SLC34A2: variants seen among roughly 807,000 people sequenced by gnomAD.
SLC34A2 encodes sodium-dependent phosphate transport protein 2B.
SLC34A2 carries 41 observed loss-of-function variants against 50.8 expected under a neutral mutation model. That is an observed-to-expected ratio of 0.81 (90% confidence interval 0.63 to 1.05). SLC34A2 has a LOEUF of 1.05. Among genes scored for constraint, SLC34A2 ranks in the 50% least tolerant of loss-of-function variants. The pLI, the probability that SLC34A2 is intolerant of heterozygous loss-of-function variation, is 0.00. For synonymous variants in SLC34A2, 401 were observed against 364.2 expected (o/e 1.10, Z -1.15); for missense variants, 879 against 876.7 (o/e 1.00, Z -0.03).
Position 25,676,873 on chromosome 4 carries a change from A to T in SLC34A2, c.*124A>T. The T allele has an allele frequency of 2.9e-6, 4 of 1,370,908 alleles. No individual in the cohort carries two copies. Among genetic ancestry groups the T allele is most frequent in the Non-Finnish European group, 3.0e-6 (3 of 987,864 alleles). 84.9% of individuals were successfully genotyped at this position (1,370,908 alleles called of 1,614,324 possible). ...TGCTCCCCATTAGCGAATGAAATTGATGCAGTCCTACCTAACTCGATTCCC... is the reference window on the plus strand; with the variant it reads ...TGCTCCCCATTAGCGAATGAAATTGTTGCAGTCCTACCTAACTCGATTCCC... On this transcript the variant is annotated 3_prime_UTR_variant, in exon 13 of 13. Coordinates refer to ENST00000382051, the MANE Select transcript of SLC34A2 (RefSeq NM_006424.3).
chr4:25,673,846 C>T (rs376165677), intron 10 of SLC34A2, among the ~76,000 whole-genome samples: 2 of 152,186 alleles, frequency 1.3e-5, no homozygotes, highest in East Asian at 3.9e-4. Context: ...CTGGGAAATG[C>T]AGGGCCTGAT....
rs914989881 is a variant in SLC34A2 at position 25,669,781 on chromosome 4, G to A, written c.770G>A (p.Gly257Glu). 1 of 1,614,178 alleles carries A rather than the reference G, an allele frequency of 6.2e-7. No individual in the cohort carries two copies. Among genetic ancestry groups the A allele is most frequent in the Non-Finnish European group, 8.5e-7 (1 of 1,180,038 alleles). ...LIVESFHFKN[G>E]EDAPDLLKVI... The stretch of plus-strand genomic sequence containing the variant: ...GTGGAGAGCTTCCACTTCAAGAATG[G>A]AGAAGATGCCCCAGATCTTCTGAAA... Residue 257 changes from glycine (G) to glutamate (E), a missense_variant, in exon 7 of 13, where the codon GGA becomes GAA. Gly to Glu is a moderately conservative substitution (Grantham distance 98). Coordinates refer to ENST00000382051, the MANE Select transcript of SLC34A2 (RefSeq NM_006424.3).
At chr4:25,666,330 G>A in intron 5 of SLC34A2, 59 bp downstream of exon 5, 3 of 1,597,030 alleles carry the variant, frequency 1.9e-6, no homozygotes, top group Non-Finnish European at 2.6e-6. Flanking sequence ...TCTATCTGAG[G>A]GTGGGAAGGA....
chr4:25,664,264 C>G lies in SLC34A2; in HGVS notation c.313C>G (p.Leu105Val). 1 of 1,606,834 alleles carries G rather than the reference C, an allele frequency of 6.2e-7. No homozygotes were observed. Among genetic ancestry groups the G allele is most frequent in the Non-Finnish European group, 8.5e-7 (1 of 1,176,162 alleles). ...AGGGATTGGGAGATTGATTTTACTT[C>G]TCGGATTTCTCTACTTTTTCGTGTG... ...FQGIGRLILL[L>V]GFLYFFVCSL... The change falls in exon 4 of 13, where the codon CTC (leucine) becomes GTC (valine). Residue 105 changes from leucine (L) to valine (V), a missense_variant. Physicochemically the swap from Leu to Val is conservative, Grantham distance 32. Transcript: ENST00000382051.
intron 9 of SLC34A2, 63 bp downstream of exon 9, chr4:25,671,784 C>T (rs1386111947): frequency 1.2e-5 from 20 of 1,610,692 alleles, no homozygotes; most frequent in East Asian, 6.7e-5. Flanking sequence ...CCTATTTATC[C>T]GTGTGAAGTC....
At chr4:25,660,392 G>T (rs530100215) in intron 1 of SLC34A2, among the ~76,000 whole-genome samples, 10 of 152,220 alleles carry the variant, frequency 6.6e-5, no homozygotes, top group Non-Finnish European at 1.0e-4. Flanking sequence ...GGTCACAGAC[G>T]TGTGATGAAC....
At chr4:25,670,661 C>T in intron 7 of SLC34A2, 77 bp from the exon 8 acceptor site, 1 of 1,113,244 alleles carries the variant, frequency 9.0e-7, no homozygotes, top group South Asian at 1.3e-5. Context: ...GAGCCCCTCT[C>T]ACTTCAACCC....
chr4:25,670,318 C>G (rs1195306296), intron 7 of SLC34A2, among the ~76,000 whole-genome samples: 1 of 152,190 alleles, frequency 6.6e-6, no homozygotes, highest in Non-Finnish European at 1.5e-5. Flanking sequence ...AGTGACTGAC[C>G]TTGATGGTTA....
In SLC34A2 at chr4:25,676,050, T is replaced by C. The variant is rs934430578; in HGVS notation, c.1459-85T>C. 11 of 1,572,934 alleles carry C rather than the reference T, an allele frequency of 7.0e-6. No homozygotes were observed. In the Admixed American group the frequency reaches 1.3e-4, roughly 19 times the overall value. On this transcript the variant is annotated intron_variant, in intron 12 of 12. Coordinates refer to ENST00000382051, the MANE Select transcript of SLC34A2 (RefSeq NM_006424.3). Reference sequence around the variant, plus strand: ...CCGAGACTGTGCTGCCTGTGATGCCTGCTAGCTTACCTCCCCCTCCTCCTC... The same window carrying C: ...CCGAGACTGTGCTGCCTGTGATGCCCGCTAGCTTACCTCCCCCTCCTCCTC...
rs1424229004 is a variant in SLC34A2 at position 25,669,815 on chromosome 4, T to C, written c.804T>C (p.Thr268=). ...CCCCAGATCTTCTGAAAGTCATCACTAAGCCCTTCACAAAGCTCATTGTCC... is the reference window on the plus strand; with the variant it reads ...CCCCAGATCTTCTGAAAGTCATCACCAAGCCCTTCACAAAGCTCATTGTCC... ...EDAPDLLKVI[T]KPFTKLIVQL... The change falls in exon 7 of 13, where the codon ACT becomes ACC. Residue 268 remains threonine, a synonymous_variant. Coordinates refer to ENST00000382051, the MANE Select transcript of SLC34A2 (RefSeq NM_006424.3). 1 of 1,614,078 alleles carries C rather than the reference T, an allele frequency of 6.2e-7. No homozygotes were observed. Among genetic ancestry groups the C allele is most frequent in the Non-Finnish European group, 8.5e-7 (1 of 1,180,048 alleles).
chr4:25,661,976 G>C (rs1007228509), intron 1 of SLC34A2, among the ~76,000 whole-genome samples: 1 of 151,694 alleles, frequency 6.6e-6, no homozygotes, highest in Non-Finnish European at 1.5e-5. Flanking sequence ...AGGTTCAAGC[G>C]ATTCTCCTGT....
Position 25,668,123 on chromosome 4 carries a change from G to T in SLC34A2, c.635+132G>T, listed in dbSNP as rs1714600990. The T allele has an allele frequency of 5.6e-6, 4 of 718,170 alleles. No homozygotes were observed. The South Asian group carries it at 6.0e-5, about 11-fold the overall frequency. The allele number at this position is 718,170 out of a possible 1,614,324, so 44.5% of individuals were successfully genotyped here. ...CCTGGAGTTCCTAGAAGTAACCACA[G>T]GGAGGTATGGCTAGGGTTGGATCAC... On this transcript the variant is annotated intron_variant, in intron 6 of 12. Transcript: ENST00000382051.
At chr4:25,656,196 G>C (rs1276797710) in intron 1 of SLC34A2, among the ~76,000 whole-genome samples, 1 of 152,176 alleles carries the variant, frequency 6.6e-6, no homozygotes, top group Non-Finnish European at 1.5e-5. Flanking sequence ...AAAGGCCCAG[G>C]GGATAGAAAT....
intron 1 of SLC34A2, among the ~76,000 whole-genome samples, chr4:25,660,836 T>G (rs892151840): frequency 6.6e-6 from 1 of 152,222 alleles, no homozygotes; most frequent in African/African-American, 2.4e-5. Flanking sequence ...TGAGCCACTG[T>G]GCCCGGCCTG....
At position 25,661,008 on chromosome 4, in the gene SLC34A2, T is replaced by C. The variant is rs558429198; in HGVS notation, c.-3-1490T>C. On this transcript the variant is annotated intron_variant, in intron 1 of 12. Transcript: ENST00000382051. ...GGAATGTGAGGTGTGTCAAGTACCATGTAACTGAGAAAGGCCTTGTGAAGA... is the reference window on the plus strand; with the variant it reads ...GGAATGTGAGGTGTGTCAAGTACCACGTAACTGAGAAAGGCCTTGTGAAGA... Among the ~76,000 whole-genome samples, 3 of 152,338 alleles carry C rather than the reference T, an allele frequency of 2.0e-5. No homozygotes were observed. In the South Asian group the frequency reaches 6.2e-4, roughly 32 times the overall value.
At chr4:25,661,853 G>A (rs138257478) in intron 1 of SLC34A2, among the ~76,000 whole-genome samples, 194 of 151,972 alleles carry the variant, frequency 1.3e-3, no homozygotes, top group African/African-American at 4.4e-3. Flanking sequence ...AAAGATGAAT[G>A]GGCTTGCACC....
chr4:25,661,770 C>G (rs1437242541), intron 1 of SLC34A2, among the ~76,000 whole-genome samples: 1 of 152,106 alleles, frequency 6.6e-6, no homozygotes, highest in Non-Finnish European at 1.5e-5. Context: ...ATTTGCAGTG[C>G]ACTTGTCTTG....
At chr4:25,665,729 A>G (rs1714461847) in intron 4 of SLC34A2, among the ~76,000 whole-genome samples, 1 of 152,180 alleles carries the variant, frequency 6.6e-6, no homozygotes, top group Non-Finnish European at 1.5e-5. Flanking sequence ...CACCCCAGAG[A>G]CATCCAGGAG....
At chr4:25,665,100 G>A (rs1053036780) in intron 4 of SLC34A2, 5 of 221,388 alleles carry the variant, frequency 2.3e-5, no homozygotes, top group Non-Finnish European at 4.5e-5. Context: ...TGTGTGACTT[G>A]GGAGAGTTGG....
Sources: allele counts gnomAD v4.1 joint callset (sites outside exome capture counted in the v4.1 genomes callset), GRCh38; gene constraint gnomAD v4.1.1; transcripts MANE v1.5; gene names NCBI Gene and HGNC (gene_info 2026-07-23, HGNC 2026-07-21).